PDZRN4: variants seen among roughly 807,000 people sequenced by gnomAD.
The protein encoded by PDZRN4 is PDZ domain containing ring finger 4.
In PDZRN4, 70 loss-of-function variants were observed where a neutral mutation model predicts 99.0. That is an observed-to-expected ratio of 0.71 (90% CI 0.58 to 0.86). The LOEUF is 0.86. Among genes scored for constraint, PDZRN4 ranks in the 40% least tolerant of loss-of-function variants. The pLI is 0.00. For synonymous variants in PDZRN4, 551 were observed against 501.6 expected (o/e 1.10, Z -1.32); for missense variants, 1,474 against 1,331.2 (o/e 1.11, Z -1.67).
chr12:41,568,860 A>G (rs2120851516), intron 9 of PDZRN4, among the ~76,000 whole-genome samples: 1 of 151,602 alleles, frequency 6.6e-6, no homozygotes, highest in Admixed American at 6.6e-5. Context: ...GCTGGAGTGC[A>G]GTGGCACAAT....
chr12:41,188,894 G>A lies in PDZRN4; in HGVS notation c.439G>A (p.Gly147Arg). 7.3e-6 allele frequency: 8 copies of A among 1,099,708 alleles called. No homozygotes were observed. Among genetic ancestry groups the A allele is most frequent in the Non-Finnish European group, 6.6e-6 (6 of 904,964 alleles). The allele number at this position is 1,099,708 out of a possible 1,614,324, so 68.1% of individuals were successfully genotyped here. A position where few individuals can be genotyped will look rare whatever the true frequency, so the allele number is the denominator to read the frequency against. Reference protein sequence around the residue: ...PRAGRGGGARGGPPGGRWGRG... With the variant: ...PRAGRGGGARRGPPGGRWGRG... ...GGCTGGCCGGGGCGGGGGCGCGCGC[G>A]GGGGGCCGCCGGGCGGCCGCTGGGG... The change falls in exon 1 of 10, where the codon GGG becomes AGG. Residue 147 changes from glycine (G) to arginine (R), a missense_variant. By Grantham distance (125) the Gly-to-Arg change is moderately radical (BLOSUM62 -2). Coordinates refer to ENST00000402685, the MANE Select transcript of PDZRN4 (RefSeq NM_001164595.2).
intron 3 of PDZRN4, among the ~76,000 whole-genome samples, chr12:41,347,594 G>C (rs1285190390): frequency 6.6e-6 from 1 of 151,974 alleles, no homozygotes; most frequent in South Asian, 2.1e-4. Context: ...TATTCTATGG[G>C]TTGCATTTTC....
At position 41,572,828 on chromosome 12, in the gene PDZRN4, C is replaced by G. The variant is rs138663536; in HGVS notation, c.2049C>G (p.Ile683Met). 1 of 1,614,080 alleles carries G rather than the reference C, an allele frequency of 6.2e-7. No homozygotes were observed. The highest frequency in any genetic ancestry group is 1.3e-5 in the African/African-American group (1 of 75,040). Residue 683 changes from isoleucine (I) to methionine (M), a missense_variant, in exon 10 of 10, where the codon ATC becomes ATG. Coordinates refer to ENST00000402685, the MANE Select transcript of PDZRN4 (RefSeq NM_001164595.2). ...ACATTGAGCTTGAGTGTCAGAATAT[C>G]ATGCAGGCTCACAGGCTCCAGAAAG... is the stretch of plus-strand genomic sequence containing the variant. Reference protein sequence around the residue: ...LRNIELECQNIMQAHRLQKVT... With the variant: ...LRNIELECQNMMQAHRLQKVT...
chr12:41,413,836 A>T (rs1451114136), intron 3 of PDZRN4, among the ~76,000 whole-genome samples: 3 of 152,140 alleles, frequency 2.0e-5, no homozygotes, highest in Non-Finnish European at 2.9e-5. Flanking sequence ...TTGATATATG[A>T]GGTTTTGATC....
chr12:41,568,812 T>TTATATA (rs10670290), intron 9 of PDZRN4, among the ~76,000 whole-genome samples: 1 of 148,516 alleles, frequency 6.7e-6, no homozygotes, highest in East Asian at 2.0e-4. Flanking sequence ...ATGTATTTTA[T>TTATATA]TATATATATA....
chr12:41,469,979 A>G (rs940672058), intron 3 of PDZRN4, among the ~76,000 whole-genome samples: 2 of 152,158 alleles, frequency 1.3e-5, no homozygotes, highest in East Asian at 3.8e-4. Context: ...GCTTCATAAA[A>G]TTGTCTGTAA....
intron 3 of PDZRN4, among the ~76,000 whole-genome samples, chr12:41,446,428 A>G (rs556196873): frequency 6.6e-6 from 1 of 152,116 alleles, no homozygotes; most frequent in East Asian, 1.9e-4. Flanking sequence ...ACTACTTAGT[A>G]TGGTTTAAAA....
intron 3 of PDZRN4, among the ~76,000 whole-genome samples, chr12:41,347,423 A>G (rs559857378): frequency 6.6e-6 from 1 of 152,070 alleles, no homozygotes; most frequent in African/African-American, 2.4e-5. Flanking sequence ...TTCTGTGCTT[A>G]TTTGCTATTT....
chr12:41,529,857 T>G (rs1938630288), intron 5 of PDZRN4, among the ~76,000 whole-genome samples: 1 of 152,182 alleles, frequency 6.6e-6, no homozygotes. Context: ...ACTGTGCTGA[T>G]CATATCCTCT....
chr12:41,193,781 T>C (rs1338795104), intron 2 of PDZRN4, among the ~76,000 whole-genome samples: 2 of 152,248 alleles, frequency 1.3e-5, no homozygotes, highest in East Asian at 3.8e-4. Context: ...GTTTTATAAA[T>C]AATACTTAAA....
At chr12:41,565,357 C>T (rs1386818479) in intron 8 of PDZRN4, among the ~76,000 whole-genome samples, 6 of 151,282 alleles carry the variant, frequency 4.0e-5, no homozygotes, top group South Asian at 4.2e-4. Context: ...AAACAGATTT[C>T]CAGAGAAATC....
chr12:41,394,785 G>C (rs932732605), intron 3 of PDZRN4, among the ~76,000 whole-genome samples: 1 of 152,000 alleles, frequency 6.6e-6, no homozygotes, highest in Non-Finnish European at 1.5e-5. Context: ...AAATGAGAGA[G>C]AGAGAGAGAG....
intron 3 of PDZRN4, among the ~76,000 whole-genome samples, chr12:41,224,412 T>G (rs534593272): frequency 6.6e-6 from 1 of 152,202 alleles, no homozygotes; most frequent in African/African-American, 2.4e-5. Flanking sequence ...GTACATTTAT[T>G]GTATTAAATA....
At chr12:41,227,850 G>A (rs184144584) in intron 3 of PDZRN4, among the ~76,000 whole-genome samples, 89 of 146,314 alleles carry the variant, frequency 6.1e-4, no homozygotes, top group African/African-American at 2.2e-3. Flanking sequence ...AGCAAAAGTC[G>A]TGTCTTAAGA....
At chr12:41,218,472 A>G (rs939416595) in intron 3 of PDZRN4, among the ~76,000 whole-genome samples, 1 of 152,044 alleles carries the variant, frequency 6.6e-6, no homozygotes, top group Non-Finnish European at 1.5e-5. Context: ...TCTGATTTGC[A>G]TCTCATATTC....
At chr12:41,221,679 C>G (rs1044606862) in intron 3 of PDZRN4, among the ~76,000 whole-genome samples, 2 of 151,968 alleles carry the variant, frequency 1.3e-5, no homozygotes, top group Admixed American at 1.3e-4. Context: ...AGATCGCAAG[C>G]AGTTAGCGGT....
chr12:41,397,500 T>G (rs1321340611), intron 3 of PDZRN4, among the ~76,000 whole-genome samples: 1 of 152,164 alleles, frequency 6.6e-6, no homozygotes, highest in Non-Finnish European at 1.5e-5. Flanking sequence ...CTAAATTATT[T>G]TCATTTGGCA....
chr12:41,532,053 A>G (rs1249422348), intron 5 of PDZRN4, among the ~76,000 whole-genome samples: 1 of 152,192 alleles, frequency 6.6e-6, no homozygotes, highest in Non-Finnish European at 1.5e-5. Context: ...ATTTTTAAAA[A>G]CAATTTGGCC....
intron 3 of PDZRN4, among the ~76,000 whole-genome samples, chr12:41,467,174 T>A (rs571796172): frequency 6.6e-6 from 1 of 152,284 alleles, no homozygotes; most frequent in East Asian, 1.9e-4. Context: ...CAATGACATA[T>A]AAGGGCAGCA....
Sources: allele counts gnomAD v4.1 joint callset (sites outside exome capture counted in the v4.1 genomes callset), GRCh38; gene constraint gnomAD v4.1.1; transcripts MANE v1.5; gene names NCBI Gene and HGNC (gene_info 2026-07-23, HGNC 2026-07-21).